Variants in DLGAP1 observed in about 807,000 individuals in gnomAD.
DLGAP1 encodes disks large-associated protein 1.
DLGAP1 carries 11 observed loss-of-function variants against 90.8 expected under a neutral mutation model. That is an observed-to-expected ratio of 0.12 (90% confidence interval 0.08 to 0.20). The LOEUF is 0.20. Ranked by LOEUF, DLGAP1 falls within the 10% of genes least tolerant of loss-of-function variation. The pLI is 1.00. For synonymous variants in DLGAP1, 558 were observed against 540.7 expected (o/e 1.03, Z -0.44); for missense variants, 1,050 against 1,333.8 (o/e 0.79, Z 3.31).
chr18:3,906,260 C>T (rs1013442197), intron 3 of DLGAP1, among the ~76,000 whole-genome samples: 1 of 152,232 alleles, frequency 6.6e-6, no homozygotes, highest in Non-Finnish European at 1.5e-5. Flanking sequence ...GTCTTCACTT[C>T]TGCTTTGTCC....
At chr18:3,626,822 C>A (rs368989574) in intron 7 of DLGAP1, among the ~76,000 whole-genome samples, 4 of 151,152 alleles carry the variant, frequency 2.6e-5, no homozygotes, top group Admixed American at 2.0e-4. Flanking sequence ...CATTTGAACC[C>A]GGGAGGGCGG....
intron 1 of DLGAP1, among the ~76,000 whole-genome samples, chr18:4,203,420 C>G (rs146405052): frequency 6.6e-6 from 1 of 152,008 alleles, no homozygotes; most frequent in Admixed American, 6.5e-5. Flanking sequence ...ATTTTAAGAA[C>G]GGGTAGAATC....
chr18:3,945,530 A>G (rs550231990), intron 3 of DLGAP1, among the ~76,000 whole-genome samples: 2 of 152,324 alleles, frequency 1.3e-5, no homozygotes, highest in East Asian at 3.9e-4. Flanking sequence ...GGTTAAAGTG[A>G]ATGTCAAGGT....
intron 2 of DLGAP1, among the ~76,000 whole-genome samples, chr18:4,074,287 G>A (rs1017059674): frequency 1.3e-5 from 2 of 151,854 alleles, no homozygotes; most frequent in Admixed American, 6.6e-5. Flanking sequence ...TTATTTCTTA[G>A]GTTCTACCTC....
chr18:3,991,256 T>C lies in DLGAP1; in HGVS notation c.-73+13860A>G, dbSNP rs755497467. On this transcript the variant is annotated intron_variant, in intron 3 of 12. Coordinates refer to ENST00000315677, the MANE Select transcript of DLGAP1 (RefSeq NM_004746.4). ...CTGAGATTTTATAGTTTTTTACTGA[T>C]GTCTTGCTCAGACTTTTTCAGTAAA... is the stretch of plus-strand genomic sequence containing the variant. 6.6e-5 allele frequency among the ~76,000 whole-genome samples: 10 copies of C among 152,352 alleles called. No homozygotes were observed. In the South Asian group the frequency reaches 1.9e-3, roughly 28 times the overall value.
At chr18:3,872,325 C>T (rs897494419) in intron 4 of DLGAP1, among the ~76,000 whole-genome samples, 1 of 150,776 alleles carries the variant, frequency 6.6e-6, no homozygotes, top group Admixed American at 6.6e-5. Context: ...TCTCCTTTAT[C>T]TCTGTGTAAC....
At chr18:3,545,562 A>G (rs2052965217) in intron 9 of DLGAP1, among the ~76,000 whole-genome samples, 1 of 152,192 alleles carries the variant, frequency 6.6e-6, no homozygotes, top group Admixed American at 6.5e-5. Context: ...CTTTAAAAAT[A>G]GAGAAATAAA....
chr18:3,948,508 G>C (rs1449798800), intron 3 of DLGAP1, among the ~76,000 whole-genome samples: 1 of 152,182 alleles, frequency 6.6e-6, no homozygotes, highest in Non-Finnish European at 1.5e-5. Context: ...AGTGGATCTA[G>C]CGTGTTGTCT....
chr18:4,073,604 T>C (rs1275049891), intron 2 of DLGAP1, among the ~76,000 whole-genome samples: 1 of 152,218 alleles, frequency 6.6e-6, no homozygotes, highest in African/African-American at 2.4e-5. Flanking sequence ...AGTGACCTTA[T>C]TTTAATGTTA....
chr18:3,778,406 A>G (rs1336578651), intron 5 of DLGAP1, among the ~76,000 whole-genome samples: 2 of 151,392 alleles, frequency 1.3e-5, no homozygotes, highest in African/African-American at 4.9e-5. Context: ...GTACCATTGC[A>G]CTCCAGCCTG....
intron 5 of DLGAP1, among the ~76,000 whole-genome samples, chr18:3,792,952 C>A (rs2065804626): frequency 6.6e-6 from 1 of 152,162 alleles, no homozygotes; most frequent in Non-Finnish European, 1.5e-5. Flanking sequence ...TCTCGACCTC[C>A]CTCAGGGACG....
chr18:4,405,084 A>G (rs2082635112), intron 1 of DLGAP1, among the ~76,000 whole-genome samples: 1 of 152,222 alleles, frequency 6.6e-6, no homozygotes, highest in Non-Finnish European at 1.5e-5. Flanking sequence ...CACAGTTGGA[A>G]AAGTATTCAC....
At chr18:3,596,731 C>A (rs753528954) in intron 7 of DLGAP1, 19 of 455,616 alleles carry the variant, frequency 4.2e-5, no homozygotes, top group Non-Finnish European at 6.9e-5. Context: ...TGAGAAGAGA[C>A]TTCCTGGAGA....
chr18:3,556,303 T>C (rs368144720), intron 9 of DLGAP1, among the ~76,000 whole-genome samples: 2 of 33,966 alleles, frequency 5.9e-5, no homozygotes, highest in Non-Finnish European at 2.5e-4. Context: ...GCTGTCATTA[T>C]CACCCAAAGT....
chr18:4,344,910 G>A (rs1003107168), intron 1 of DLGAP1, among the ~76,000 whole-genome samples: 1 of 152,290 alleles, frequency 6.6e-6, no homozygotes, highest in Middle Eastern at 3.4e-3. Context: ...CACTGCAAAA[G>A]TTGTTACACA....
At chr18:4,054,435 T>C (rs2075182820) in intron 2 of DLGAP1, among the ~76,000 whole-genome samples, 1 of 152,230 alleles carries the variant, frequency 6.6e-6, no homozygotes, top group Non-Finnish European at 1.5e-5. Context: ...ATGGATAAGA[T>C]CACAGTTCAT....
chr18:4,332,870 C>A (rs2143748521), intron 1 of DLGAP1, among the ~76,000 whole-genome samples: 1 of 152,000 alleles, frequency 6.6e-6, no homozygotes, highest in East Asian at 1.9e-4. Context: ...GTTATTTCTG[C>A]CTACCTGTAT....
chr18:4,442,366 T>C (rs892444669), intron 1 of DLGAP1, among the ~76,000 whole-genome samples: 6 of 152,202 alleles, frequency 3.9e-5, no homozygotes, highest in Admixed American at 2.6e-4. Flanking sequence ...GTGCCTAGTG[T>C]ATACTAAGCA....
At position 3,497,757 on chromosome 18, in the gene DLGAP1, G is replaced by A. The variant is rs1028870940; in HGVS notation, c.*1428C>T. The A allele has an allele frequency of 6.6e-6, 1 of 152,158 alleles. No individual in the cohort carries two copies. The highest frequency in any genetic ancestry group is 1.5e-5 in the Non-Finnish European group (1 of 68,034). The allele number at this position is 152,158 out of a possible 1,614,324, so 9.4% of individuals were successfully genotyped here. On this transcript the variant is annotated 3_prime_UTR_variant, in exon 13 of 13. Transcript: ENST00000315677. ...TTAAAGACAACTTCAGCTAGACACC[G>A]ATGCATACTGCCCATCAATCAAGAC...
Sources: gnomAD v4.1 joint callset for allele counts (sites outside exome capture counted in the v4.1 genomes callset) on GRCh38, gnomAD v4.1.1 for gene constraint, MANE v1.5 for transcripts, NCBI Gene and HGNC (gene_info 2026-07-23, HGNC 2026-07-21) for gene names.